Variants in LIPI observed in about 807,000 individuals in gnomAD.
LIPI encodes lipase I, also known as lipase member I.
In LIPI, 59 loss-of-function variants were observed where a neutral mutation model predicts 50.6. The observed-to-expected ratio is 1.16, with a 90% CI of 0.94 to 1.45. The LOEUF is 1.45. LIPI is among the 40% of genes most tolerant of loss of function. The pLI, the probability that LIPI is intolerant of heterozygous loss-of-function variation, is 0.00. For synonymous variants in LIPI, 203 were observed against 178.2 expected (o/e 1.14, Z -1.11); for missense variants, 586 against 536.3 (o/e 1.09, Z -0.92).
At chr21:14,117,522 T>C (rs2822410) in intron 9 of LIPI, among the ~76,000 whole-genome samples, 1 of 151,936 alleles carries the variant, frequency 6.6e-6, no homozygotes, top group Non-Finnish European at 1.5e-5. Flanking sequence ...TGCTAAACTT[T>C]CTGAGATACT....
intron 1 of LIPI, among the ~76,000 whole-genome samples, chr21:14,208,434 T>C (rs1191453957): frequency 1.3e-5 from 2 of 152,242 alleles, no homozygotes; most frequent in African/African-American, 4.8e-5. Flanking sequence ...GCTGAATTAT[T>C]CTACCTTTAA....
intron 1 of LIPI, among the ~76,000 whole-genome samples, chr21:14,194,307 A>T (rs183991189): frequency 6.6e-6 from 1 of 152,184 alleles, no homozygotes; most frequent in South Asian, 2.1e-4. Flanking sequence ...CTGTATATAC[A>T]CCCAAAAGAA....
chr21:14,126,138 G>T (rs1402584732), intron 9 of LIPI, among the ~76,000 whole-genome samples: 1 of 152,130 alleles, frequency 6.6e-6, no homozygotes, highest in East Asian at 1.9e-4. Flanking sequence ...AAAGAGACTG[G>T]CAGTTTCTTA....
In LIPI at chr21:14,135,550, G is replaced by C. The variant is rs976036688; in HGVS notation, c.1295+9073C>G. ...CATTGAATTCTGTGCTGTTCTGTTA[G>C]AGCAAAAGGAAAAACCAGATCAAAC... On this transcript the variant is annotated intron_variant, in intron 9 of 9. Transcript: ENST00000681601. Among the ~76,000 whole-genome samples, 22 of 152,128 alleles carry C rather than the reference G, an allele frequency of 1.4e-4. 1 individual carries two copies. The highest frequency in any genetic ancestry group is 1.4e-3 in the Admixed American group (22 of 15,272).
chr21:14,201,328 G>A (rs2020044786), intron 1 of LIPI, among the ~76,000 whole-genome samples: 1 of 152,010 alleles, frequency 6.6e-6, no homozygotes, highest in African/African-American at 2.4e-5. Context: ...ACAACCTACA[G>A]AATGGGAGAA....
chr21:14,194,433 C>G (rs1568881434), intron 1 of LIPI, among the ~76,000 whole-genome samples: 1 of 151,524 alleles, frequency 6.6e-6, no homozygotes, highest in African/African-American at 2.4e-5. Flanking sequence ...TGAACAAAAC[C>G]TGGTAGATAT....
At chr21:14,135,466 G>A (rs949660546) in intron 9 of LIPI, among the ~76,000 whole-genome samples, 6 of 152,120 alleles carry the variant, frequency 3.9e-5, no homozygotes, top group Non-Finnish European at 8.8e-5. Flanking sequence ...CAGGAGTGGC[G>A]GCATGGTGCA....
intron 4 of LIPI, among the ~76,000 whole-genome samples, chr21:14,170,761 C>G (rs1600893151): frequency 6.6e-6 from 1 of 150,850 alleles, no homozygotes; most frequent in African/African-American, 2.4e-5. Flanking sequence ...CAATATCATG[C>G]TGAATGGGCA....
intron 7 of LIPI, among the ~76,000 whole-genome samples, chr21:14,157,736 C>T (rs1425976271): frequency 1.3e-5 from 2 of 151,754 alleles, no homozygotes; most frequent in African/African-American, 4.8e-5. Context: ...AGCCATGAAC[C>T]CAGGGAGCAG....
At chr21:14,117,466 C>G (rs1019981343) in intron 9 of LIPI, among the ~76,000 whole-genome samples, 4 of 152,162 alleles carry the variant, frequency 2.6e-5, no homozygotes, top group Non-Finnish European at 5.9e-5. Context: ...ACAGACTTTA[C>G]CAATAGAAAC....
chr21:14,185,899 G>T (rs1458418029), intron 3 of LIPI, 62 bp downstream of exon 3: 5 of 957,052 alleles, frequency 5.2e-6, no homozygotes, highest in Admixed American at 2.0e-5. Flanking sequence ...AAAAAAATTA[G>T]CAAAGTAACT....
At chr21:14,130,011 A>G (rs75079489) in intron 9 of LIPI, among the ~76,000 whole-genome samples, 4,156 of 152,238 alleles carry the variant, frequency 0.027, 181 homozygotes, top group African/African-American at 0.091. Flanking sequence ...GAAAAATTGG[A>G]GAGGGGGTGG....
chr21:14,115,324 C>T (rs1240470845), intron 9 of LIPI, among the ~76,000 whole-genome samples: 3 of 152,126 alleles, frequency 2.0e-5, no homozygotes, highest in African/African-American at 4.8e-5. Flanking sequence ...ATGTAAAAGA[C>T]TGATCAACTG....
intron 9 of LIPI, among the ~76,000 whole-genome samples, chr21:14,117,498 T>C (rs2016695527): frequency 6.6e-6 from 1 of 152,156 alleles, no homozygotes; most frequent in Admixed American, 6.5e-5. Flanking sequence ...GGGACTGAAA[T>C]CAGGCCCAAG....
chr21:14,146,730 G>C (rs1600860918), intron 8 of LIPI, among the ~76,000 whole-genome samples: 1 of 139,212 alleles, frequency 7.2e-6, no homozygotes, highest in African/African-American at 2.8e-5. Context: ...ATATCTAAGT[G>C]TTCTCTAGAT....
At chr21:14,121,452 C>T (rs757216988) in intron 9 of LIPI, among the ~76,000 whole-genome samples, 1 of 152,132 alleles carries the variant, frequency 6.6e-6, no homozygotes, top group Non-Finnish European at 1.5e-5. Flanking sequence ...ACCAACTGCA[C>T]TTATATCTCA....
rs567177214 is a variant in LIPI at position 14,157,753 on chromosome 21, G to A, written c.1007-5069C>T. 5.3e-5 allele frequency among the ~76,000 whole-genome samples: 8 copies of A among 152,048 alleles called. No individual in the cohort carries two copies. The South Asian group carries it at 1.7e-3, about 31-fold the overall frequency. On this transcript the variant is annotated intron_variant, in intron 7 of 9. Coordinates refer to ENST00000681601, the MANE Select transcript of LIPI (RefSeq NM_001302998.2). ...CCATGAACCCAGGGAGCAGAGCCAT[G>A]AACCACAGAGAATTATTCCCAGGCC...
At chr21:14,172,651 G>A (rs1408042819) in intron 4 of LIPI, among the ~76,000 whole-genome samples, 2 of 151,284 alleles carry the variant, frequency 1.3e-5, no homozygotes, top group Non-Finnish European at 2.9e-5. Context: ...TCACTCATAG[G>A]TGGGAATTGA....
intron 4 of LIPI, among the ~76,000 whole-genome samples, chr21:14,166,936 G>T (rs2018708103): frequency 6.6e-6 from 1 of 152,226 alleles, no homozygotes; most frequent in Non-Finnish European, 1.5e-5. Context: ...AAGCACAAGG[G>T]ATCAGGGAGT....
Sources: gnomAD v4.1 joint callset for allele counts (sites outside exome capture counted in the v4.1 genomes callset) on GRCh38, gnomAD v4.1.1 for gene constraint, MANE v1.5 for transcripts, NCBI Gene and HGNC (gene_info 2026-07-23, HGNC 2026-07-21) for gene names.